The following EDA2R variants were observed in gnomAD, a reference collection of about 807,000 sequenced individuals.
EDA2R encodes ectodysplasin A2 receptor.
Under a neutral mutation model 20.1 loss-of-function variants are expected in EDA2R, and 26 were observed. That is an observed-to-expected ratio of 1.30 (90% CI 0.95 to 1.80). The LOEUF is 1.80. Ranked by LOEUF, EDA2R falls within the 40% of genes most tolerant of loss-of-function variation. The pLI is 0.00. For missense variants in EDA2R, 277 were observed against 228.7 expected (o/e 1.21, Z -1.36); for synonymous variants, 114 against 88.7 (o/e 1.29, Z -1.60).
intron 1 of EDA2R, among the ~76,000 whole-genome samples, chrX:66,624,799 C>A (rs1210314787): frequency 9.0e-6 from 1 of 111,365 alleles, no homozygotes; most frequent in Non-Finnish European, 1.9e-5. Flanking sequence ...CCTGCAGGAC[C>A]CAGGAGACAC....
chrX:66,602,559 C>G, intron 5 of EDA2R, 74 bp downstream of exon 5: 8 of 1,070,739 alleles, frequency 7.5e-6, no homozygotes, highest in Non-Finnish European at 9.9e-6. Context: ...TCTCTCAACC[C>G]CAGAACATCC....
intron 1 of EDA2R, among the ~76,000 whole-genome samples, chrX:66,616,720 C>A (rs1931759938): frequency 8.9e-6 from 1 of 112,103 alleles, no homozygotes; most frequent in African/African-American, 3.2e-5. Flanking sequence ...GATAATAGTT[C>A]TTGGAATACA....
Position 66,629,978 on chromosome X carries a change from G to A in EDA2R, c.-11+9017C>T, listed in dbSNP as rs1039479806. ...ATAGTCACCAAAACAGCATGGTACTGGTATATAAATAGGCACATAGACCAA... is the reference window on the plus strand; with the variant it reads ...ATAGTCACCAAAACAGCATGGTACTAGTATATAAATAGGCACATAGACCAA... On this transcript the variant is annotated intron_variant, in intron 1 of 6. Coordinates refer to ENST00000374719, the MANE Select transcript of EDA2R (RefSeq NM_021783.5). Among the ~76,000 whole-genome samples, 3 of 111,464 alleles carry A rather than the reference G, an allele frequency of 2.7e-5. No homozygotes were observed. The Admixed American group carries it at 2.9e-4, about 11-fold the overall frequency.
At chrX:66,602,320 A>G (rs906915441) in intron 5 of EDA2R, among the ~76,000 whole-genome samples, 2 of 111,489 alleles carry the variant, frequency 1.8e-5, no homozygotes, top group African/African-American at 6.5e-5. Context: ...ACGGTGATTT[A>G]GAGGTAGACA....
At chrX:66,620,431 T>C (rs1932410628) in intron 1 of EDA2R, among the ~76,000 whole-genome samples, 1 of 111,743 alleles carries the variant, frequency 8.9e-6, no homozygotes, top group Non-Finnish European at 1.9e-5. Flanking sequence ...TCATATCATA[T>C]ACAAAATTAA....
intron 2 of EDA2R, among the ~76,000 whole-genome samples, chrX:66,606,484 G>A (rs868221722): frequency 9.9e-5 from 11 of 111,629 alleles, no homozygotes; most frequent in East Asian, 2.8e-4. Context: ...GAATGATAGC[G>A]GAAGCCAGAT....
intron 2 of EDA2R, among the ~76,000 whole-genome samples, chrX:66,610,625 G>A (rs73632135): frequency 9.7e-4 from 108 of 111,704 alleles, no homozygotes; most frequent in Middle Eastern, 4.6e-3. Flanking sequence ...CATTTTTGAA[G>A]CAACTACAAT....
At chrX:66,608,375 A>G (rs2147698329) in intron 2 of EDA2R, among the ~76,000 whole-genome samples, 1 of 111,541 alleles carries the variant, frequency 9.0e-6, no homozygotes, top group African/African-American at 3.3e-5. Context: ...GTAAACATAA[A>G]GAGACCTATG....
rs1311276199 is a variant in EDA2R, at chrX:66,596,062, C to A, written c.*2042G>T. ...AAAAATTCATTCTCAGGAAATACCT[C>A]CCCTTCCTTACAAACAAAAACTACA... On this transcript the variant is annotated 3_prime_UTR_variant, in exon 7 of 7. Coordinates refer to ENST00000374719, the MANE Select transcript of EDA2R (RefSeq NM_021783.5). 9.1e-6 allele frequency: 1 copy of A among 110,124 alleles called. No individual in the cohort carries two copies. Among genetic ancestry groups the A allele is most frequent in the Middle Eastern group, 4.2e-3 (1 of 237 alleles). The allele number at this position is 110,124 out of a possible 1,213,427, so 9.1% of individuals were successfully genotyped here.
intron 2 of EDA2R, among the ~76,000 whole-genome samples, chrX:66,613,104 TG>T (rs1931063177): frequency 9.0e-6 from 1 of 111,599 alleles, no homozygotes; most frequent in Non-Finnish European, 1.9e-5. Flanking sequence ...TAATCAAGAA[TG>T]GTTTATACTG....
At chrX:66,626,806 A>C in intron 1 of EDA2R, among the ~76,000 whole-genome samples, 1 of 53,558 alleles carries the variant, frequency 1.9e-5, no homozygotes, top group South Asian at 1.6e-3. Context: ...AGGGGAGGGG[A>C]GGGGAGAGGA....
At chrX:66,635,245 A>C (rs1289923570) in intron 1 of EDA2R, among the ~76,000 whole-genome samples, 2 of 112,053 alleles carry the variant, frequency 1.8e-5, no homozygotes, top group African/African-American at 6.5e-5. Flanking sequence ...TCTGGTGGGG[A>C]ACATAGAAAA....
At chrX:66,629,514 T>G (rs1933496649) in intron 1 of EDA2R, among the ~76,000 whole-genome samples, 1 of 111,841 alleles carries the variant, frequency 8.9e-6, no homozygotes, top group African/African-American at 3.3e-5. Context: ...AAGACTAAAG[T>G]ACAGAATTCA....
In EDA2R at chrX:66,616,027, A is replaced by T. The variant is rs113016207; in HGVS notation, c.-7T>A. ...CATTTTCTTGGCAATCCATGGTGGGAAGGCTGTGGGTAGAGAACACAAGAA... is the reference window on the plus strand; with the variant it reads ...CATTTTCTTGGCAATCCATGGTGGGTAGGCTGTGGGTAGAGAACACAAGAA... On this transcript the variant is annotated 5_prime_UTR_variant, in exon 2 of 7. Coordinates refer to ENST00000374719, the MANE Select transcript of EDA2R (RefSeq NM_021783.5). 488 of 1,189,602 alleles carry T rather than the reference A, an allele frequency of 4.1e-4. 3 individuals carry two copies. The African/African-American group carries it at 7.8e-3, about 19-fold the overall frequency.
At chrX:66,613,113 C>T (rs1182114068) in intron 2 of EDA2R, among the ~76,000 whole-genome samples, 3 of 111,104 alleles carry the variant, frequency 2.7e-5, no homozygotes, top group Non-Finnish European at 5.7e-5. Context: ...ATGGTTTATA[C>T]TGGGAATGCA....
rs1927689603 is a variant in EDA2R at position 66,597,616 on chromosome X, TG to T, written c.*487del. 1 of 111,358 alleles carries T rather than the reference TG, an allele frequency of 9.0e-6. No homozygotes were observed. Among genetic ancestry groups the T allele is most frequent in the Non-Finnish European group, 1.9e-5 (1 of 53,359 alleles). 9.2% of individuals were successfully genotyped at this position (111,358 alleles called of 1,213,427 possible). ...CCCCCAAGATAGATATTAATGTGTGTGTGTGTGTTTGTGTGTCTATGTATAT... is the reference window on the plus strand; with the variant it reads ...CCCCCAAGATAGATATTAATGTGTGTTGTGTGTTTGTGTGTCTATGTATAT... On this transcript the variant is annotated 3_prime_UTR_variant, in exon 7 of 7. Coordinates refer to ENST00000374719, the MANE Select transcript of EDA2R (RefSeq NM_021783.5).
rs748785164 is a variant in EDA2R at position 66,605,067 on chromosome X, A to C, written c.247T>G (p.Cys83Gly). The C allele has an allele frequency of 8.3e-7, 1 of 1,204,752 alleles. No homozygotes were observed. Among genetic ancestry groups the C allele is most frequent in the East Asian group, 3.0e-5 (1 of 33,525 alleles). ...GCTCACCTGGGCAAACAGTCCCCAC[A>C]GACAGCATTAGAGGTAGCTGTGCAG... The part of the protein sequence containing the change: ...VNCTATSNAV[C>G]GDCLPRFYRK... The change falls in exon 3 of 7, where the codon TGT becomes GGT. Residue 83 changes from cysteine to glycine, a missense_variant. By Grantham distance (159) the Cys-to-Gly change is radical. Transcript: ENST00000374719.
intron 3 of EDA2R, 101 bp downstream of exon 3, chrX:66,604,947 A>G: frequency 1.3e-6 from 1 of 756,412 alleles, no homozygotes; most frequent in Non-Finnish European, 1.9e-6. Flanking sequence ...TATTATGTTT[A>G]TAAGAAGAAT....
intron 2 of EDA2R, among the ~76,000 whole-genome samples, chrX:66,605,729 C>T (rs1399759720): frequency 2.7e-5 from 3 of 112,071 alleles, no homozygotes; most frequent in Admixed American, 1.9e-4. Flanking sequence ...CTTGGCCATA[C>T]ACATCACATG....
Sources: allele counts gnomAD v4.1 joint callset (sites outside exome capture counted in the v4.1 genomes callset), GRCh38; gene constraint gnomAD v4.1.1; transcripts MANE v1.5; gene names NCBI Gene and HGNC (gene_info 2026-07-23, HGNC 2026-07-21).